HPSE2: variants seen among roughly 807,000 people sequenced by gnomAD.
The protein encoded by HPSE2 is heparanase 2 (inactive), also known as inactive heparanase-2.
Under a neutral mutation model 60.5 loss-of-function variants are expected in HPSE2, and 38 were observed. That is an observed-to-expected ratio of 0.63 (90% CI 0.48 to 0.82). HPSE2 has a LOEUF of 0.82. HPSE2 is among the 40% of genes least tolerant of loss of function. The pLI, the probability that HPSE2 is intolerant of heterozygous loss-of-function variation, is 0.00. For synonymous variants in HPSE2, 295 were observed against 293.2 expected (o/e 1.01, Z -0.06); for missense variants, 713 against 740.4 (o/e 0.96, Z 0.43).
At chr10:98,913,040 A>T (rs1290582602) in intron 3 of HPSE2, among the ~76,000 whole-genome samples, 1 of 152,194 alleles carries the variant, frequency 6.6e-6, no homozygotes, top group African/African-American at 2.4e-5. Flanking sequence ...TATCTCATGT[A>T]CCCCATAAAT....
chr10:98,846,175 C>A (rs1298792183), intron 3 of HPSE2, among the ~76,000 whole-genome samples: 1 of 152,060 alleles, frequency 6.6e-6, no homozygotes, highest in South Asian at 2.1e-4. Context: ...AGAAAATAAG[C>A]TGGATCAAAA....
At chr10:99,006,489 G>A (rs1026035482) in intron 3 of HPSE2, among the ~76,000 whole-genome samples, 2 of 152,188 alleles carry the variant, frequency 1.3e-5, no homozygotes, top group Non-Finnish European at 2.9e-5. Context: ...AAAAGGGGCT[G>A]CAACCATCCT....
intron 3 of HPSE2, among the ~76,000 whole-genome samples, chr10:99,058,410 G>A (rs1343502789): frequency 6.6e-6 from 1 of 152,180 alleles, no homozygotes; most frequent in African/African-American, 2.4e-5. Flanking sequence ...AGACCTGAAT[G>A]TTTGGAGTCT....
intron 2 of HPSE2, among the ~76,000 whole-genome samples, chr10:99,229,034 G>A (rs1849562644): frequency 6.6e-6 from 1 of 151,974 alleles, no homozygotes; most frequent in Non-Finnish European, 1.5e-5. Context: ...AATTAGCGAG[G>A]CATGGTGACG....
chr10:99,200,416 C>T (rs1848537551), intron 2 of HPSE2, among the ~76,000 whole-genome samples: 1 of 151,952 alleles, frequency 6.6e-6, no homozygotes, highest in Non-Finnish European at 1.5e-5. Context: ...GAAGAGGTAC[C>T]TGGAAGTGTT....
intron 9 of HPSE2, among the ~76,000 whole-genome samples, chr10:98,535,867 T>C (rs542431): frequency 0.85 from 129,517 of 152,048 alleles, 56,374 homozygotes; most frequent in East Asian, 1. Context: ...TATCAAGGCT[T>C]CCCAAGAACT....
chr10:99,305,924 C>G, the HPSE2 span, among the ~76,000 whole-genome samples: 1 of 145,100 alleles, frequency 6.9e-6, no homozygotes, highest in Non-Finnish European at 1.5e-5. Context: ...ATAGTAAACT[C>G]AAAAGAAATC....
At chr10:98,587,833 G>T (rs1436860593) in intron 9 of HPSE2, among the ~76,000 whole-genome samples, 1 of 152,168 alleles carries the variant, frequency 6.6e-6, no homozygotes, top group Non-Finnish European at 1.5e-5. Flanking sequence ...AAACAGTAAA[G>T]TGTCATGAGA....
At chr10:98,947,150 A>G (rs1955210406) in intron 3 of HPSE2, among the ~76,000 whole-genome samples, 1 of 152,138 alleles carries the variant, frequency 6.6e-6, no homozygotes, top group African/African-American at 2.4e-5. Context: ...TAAATGAACC[A>G]AGAATAAGGA....
At chr10:98,467,028 G>T (rs972876773) in intron 11 of HPSE2, among the ~76,000 whole-genome samples, 1 of 151,380 alleles carries the variant, frequency 6.6e-6, no homozygotes, top group Admixed American at 6.6e-5. Context: ...TTATCTAATC[G>T]CGGCCTAAGC....
chr10:98,936,996 A>C lies in HPSE2; in HGVS notation c.611-192940T>G, dbSNP rs1265146844. ...TCCATCTCAAAAAAAAAAAAAAAAA[A>C]AAAAAAAAACAAGTTTTCCAACTTT... On this transcript the variant is annotated intron_variant, in intron 3 of 11. Transcript: ENST00000370552. 4.7e-4 allele frequency among the ~76,000 whole-genome samples: 66 copies of C among 140,972 alleles called. 4 individuals carry two copies. The highest frequency in any genetic ancestry group is 7.1e-4 in the Admixed American group (10 of 14,118). The allele number at this position is 140,972 out of a possible 152,430, so 92.5% of individuals were successfully genotyped here. A position where few individuals can be genotyped will look rare whatever the true frequency, so the allele number is the denominator to read the frequency against.
At chr10:98,603,712 G>A (rs1945499626) in intron 9 of HPSE2, among the ~76,000 whole-genome samples, 4 of 152,256 alleles carry the variant, frequency 2.6e-5, no homozygotes, top group Middle Eastern at 3.4e-3. Flanking sequence ...ACAGGTGTGA[G>A]CCACCGTGCC....
intron 3 of HPSE2, among the ~76,000 whole-genome samples, chr10:98,797,813 C>T (rs1036213451): frequency 6.6e-5 from 10 of 151,870 alleles, no homozygotes; most frequent in Non-Finnish European, 1.3e-4. Context: ...CACTGTACTC[C>T]AGCCTGGGCG....
chr10:99,014,504 G>C (rs990401773), intron 3 of HPSE2, among the ~76,000 whole-genome samples: 1 of 152,116 alleles, frequency 6.6e-6, no homozygotes, highest in Non-Finnish European at 1.5e-5. Flanking sequence ...AGGTATTTCT[G>C]TCTTTAGGTC....
chr10:99,154,120 G>C (rs1277657234), intron 2 of HPSE2, among the ~76,000 whole-genome samples: 1 of 146,740 alleles, frequency 6.8e-6, no homozygotes, highest in Non-Finnish European at 1.5e-5. Context: ...CCAAATCTAC[G>C]TCTGATTGGT....
At chr10:98,488,328 T>C (rs1321150751) in intron 10 of HPSE2, among the ~76,000 whole-genome samples, 1 of 152,232 alleles carries the variant, frequency 6.6e-6, no homozygotes, top group Non-Finnish European at 1.5e-5. Flanking sequence ...AACATCTTGA[T>C]GCCCAAATTC....
At chr10:98,975,930 T>C (rs1956073667) in intron 3 of HPSE2, among the ~76,000 whole-genome samples, 1 of 152,196 alleles carries the variant, frequency 6.6e-6, no homozygotes, top group African/African-American at 2.4e-5. Flanking sequence ...GGCTAATCAA[T>C]GCAGGTTTTA....
At chr10:98,669,001 G>A (rs757909597) in intron 6 of HPSE2, among the ~76,000 whole-genome samples, 1 of 152,082 alleles carries the variant, frequency 6.6e-6, no homozygotes, top group Non-Finnish European at 1.5e-5. Flanking sequence ...TTCAATAAAG[G>A]TCTACTATCC....
intron 9 of HPSE2, among the ~76,000 whole-genome samples, chr10:98,551,074 A>G (rs1180707876): frequency 6.6e-6 from 1 of 152,098 alleles, no homozygotes; most frequent in Non-Finnish European, 1.5e-5. Context: ...GCATAAAGGG[A>G]ATTGGGTGAG....
Sources: gnomAD v4.1 joint callset for allele counts (sites outside exome capture counted in the v4.1 genomes callset) on GRCh38, gnomAD v4.1.1 for gene constraint, MANE v1.5 for transcripts, NCBI Gene and HGNC (gene_info 2026-07-23, HGNC 2026-07-21) for gene names.